SYT16: variants seen among roughly 807,000 people sequenced by gnomAD.
SYT16 encodes synaptotagmin 16, also known as synaptotagmin-16.
A neutral mutation model predicts 61.4 loss-of-function variants in SYT16; 42 were observed. The observed-to-expected ratio is 0.68, with a 90% CI of 0.53 to 0.89. The LOEUF is 0.89. Among genes scored for constraint, SYT16 ranks in the 40% least tolerant of loss-of-function variants. The pLI is 0.00. For synonymous variants in SYT16, 314 were observed against 302.3 expected, an observed-to-expected ratio of 1.04 and a Z score of -0.40; for missense variants, 804 against 807.3, an observed-to-expected ratio of 1.00 and a Z score of 0.05.
At chr14:62,071,673 A>G (rs558011554) in intron 4 of SYT16, among the ~76,000 whole-genome samples, 4 of 152,330 alleles carry the variant, frequency 2.6e-5, no homozygotes, top group South Asian at 4.1e-4. Flanking sequence ...AAGAATCATG[A>G]AAAGATTAAG....
chr14:62,084,255 G>C lies in SYT16; in HGVS notation c.1494G>C (p.Thr498=). The C allele has an allele frequency of 6.2e-7, 1 of 1,613,928 alleles. No homozygotes were observed. The highest frequency in any genetic ancestry group is 8.5e-7 in the Non-Finnish European group (1 of 1,179,874). Residue 498 remains threonine (T), a synonymous_variant, in exon 7 of 8, where the codon ACG becomes ACC. Transcript: ENST00000683842. The part of the protein sequence containing the change: ...AVSHSDSTSS[T]QSLSHGGAPE... ...CTCACAGTGATAGTACTTCATCCAC[G>C]CAGTCGCTGTCTCATGGAGGGGCGC...
intron 1 of SYT16, among the ~76,000 whole-genome samples, chr14:61,961,341 A>T (rs1216806021): frequency 6.6e-6 from 1 of 152,174 alleles, no homozygotes; most frequent in Non-Finnish European, 1.5e-5. Flanking sequence ...CAACCTACAG[A>T]ATAGGAGAAA....
At chr14:61,840,530 C>T (rs573258294) in intron 1 of SYT16, among the ~76,000 whole-genome samples, 33 of 152,244 alleles carry the variant, frequency 2.2e-4, no homozygotes, top group Non-Finnish European at 3.2e-4. Context: ...AGAGGGTGGC[C>T]GTAGCAGGCA....
At chr14:61,995,611 T>C (rs1028807417) in intron 2 of SYT16, among the ~76,000 whole-genome samples, 16 of 152,126 alleles carry the variant, frequency 1.1e-4, no homozygotes, top group Non-Finnish European at 1.9e-4. Context: ...CTGTTAAGGA[T>C]GGTCTATGGG....
chr14:61,927,538 A>T (rs2049586270), intron 1 of SYT16, among the ~76,000 whole-genome samples: 1 of 152,234 alleles, frequency 6.6e-6, no homozygotes, highest in South Asian at 2.1e-4. Flanking sequence ...TATCAGGATG[A>T]TAATTTTTTT....
chr14:61,915,020 A>G (rs1468293749), intron 1 of SYT16, among the ~76,000 whole-genome samples: 1 of 152,148 alleles, frequency 6.6e-6, no homozygotes, highest in Non-Finnish European at 1.5e-5. Flanking sequence ...TCCTAATCAC[A>G]TAGTCTAGAA....
intron 1 of SYT16, among the ~76,000 whole-genome samples, chr14:61,840,630 T>G (rs2046275734): frequency 6.6e-6 from 1 of 152,190 alleles, no homozygotes; most frequent in African/African-American, 2.4e-5. Flanking sequence ...GAAGACAATT[T>G]TAATGTCATA....
intron 1 of SYT16, among the ~76,000 whole-genome samples, chr14:61,904,310 G>A (rs974233083): frequency 7.2e-5 from 11 of 152,148 alleles, no homozygotes; most frequent in African/African-American, 2.7e-4. Context: ...GACTCCTTTT[G>A]CTTAGGTGTG....
chr14:61,900,668 A>C (rs1335986853), intron 1 of SYT16, among the ~76,000 whole-genome samples: 2 of 152,168 alleles, frequency 1.3e-5, no homozygotes, highest in East Asian at 3.9e-4. Flanking sequence ...GGTAGCACTG[A>C]AGGTCTTGAG....
chr14:61,890,011 C>T (rs191440734), intron 1 of SYT16, among the ~76,000 whole-genome samples: 23 of 152,162 alleles, frequency 1.5e-4, no homozygotes, highest in Admixed American at 3.9e-4. Flanking sequence ...TGGGGACATA[C>T]AATCAGGCCA....
chr14:61,929,879 G>A (rs1049286488), intron 1 of SYT16, among the ~76,000 whole-genome samples: 2 of 152,184 alleles, frequency 1.3e-5, no homozygotes. Context: ...CTGAAATAGA[G>A]TGTAGCCTTT....
intron 3 of SYT16, among the ~76,000 whole-genome samples, chr14:62,002,627 G>T (rs923443465): frequency 6.6e-6 from 1 of 152,016 alleles, no homozygotes; most frequent in Admixed American, 6.6e-5. Flanking sequence ...CCCGGAGACA[G>T]GGGAATCTGC....
intron 3 of SYT16, among the ~76,000 whole-genome samples, chr14:62,035,690 G>C (rs2140825775): frequency 6.6e-6 from 1 of 152,216 alleles, no homozygotes; most frequent in Non-Finnish European, 1.5e-5. Context: ...ATAAAAGTTG[G>C]GGCTAAAATC....
intron 1 of SYT16, among the ~76,000 whole-genome samples, chr14:61,848,498 C>T (rs1355620755): frequency 6.6e-6 from 1 of 152,250 alleles, no homozygotes; most frequent in Non-Finnish European, 1.5e-5. Context: ...GTGGCCACCA[C>T]CATTGGGACT....
At chr14:62,073,978 T>C (rs1281458888) in intron 4 of SYT16, among the ~76,000 whole-genome samples, 1 of 152,194 alleles carries the variant, frequency 6.6e-6, no homozygotes, top group Non-Finnish European at 1.5e-5. Context: ...CCATACAATG[T>C]ATATAGAAGA....
At chr14:61,938,715 G>A (rs1454622626) in intron 1 of SYT16, among the ~76,000 whole-genome samples, 1 of 152,170 alleles carries the variant, frequency 6.6e-6, no homozygotes, top group Non-Finnish European at 1.5e-5. Flanking sequence ...AAGGGGGACT[G>A]ACATGGTTAA....
At chr14:61,927,724 G>A (rs546308817) in intron 1 of SYT16, among the ~76,000 whole-genome samples, 1 of 152,266 alleles carries the variant, frequency 6.6e-6, no homozygotes, top group East Asian at 1.9e-4. Context: ...TAAGCAGCTG[G>A]CTTTCCTTTA....
chr14:61,911,705 G>A (rs2048942192), intron 1 of SYT16, among the ~76,000 whole-genome samples: 1 of 152,182 alleles, frequency 6.6e-6, no homozygotes, highest in South Asian at 2.1e-4. Context: ...CTTTTTTATA[G>A]TGCTTTGCAA....
chr14:62,022,670 G>A (rs949119667), intron 3 of SYT16, among the ~76,000 whole-genome samples: 6 of 151,604 alleles, frequency 4.0e-5, no homozygotes, highest in African/African-American at 1.5e-4. Context: ...CACTATTTGT[G>A]CTTTTTTTAC....
Sources: allele counts gnomAD v4.1 joint callset (sites outside exome capture counted in the v4.1 genomes callset), GRCh38; gene constraint gnomAD v4.1.1; transcripts MANE v1.5; gene names NCBI Gene and HGNC (gene_info 2026-07-23, HGNC 2026-07-21).